LRRC4C: variants seen among roughly 807,000 people sequenced by gnomAD.
The protein encoded by LRRC4C is leucine-rich repeat-containing protein 4C.
In LRRC4C, 5 loss-of-function variants were observed where a neutral mutation model predicts 33.6. The observed-to-expected ratio is 0.15, with a 90% CI of 0.08 to 0.31. The LOEUF (loss-of-function observed/expected upper bound fraction) is 0.31, where lower values mean the gene tolerates loss of function less well. Among genes scored for constraint, LRRC4C ranks in the 10% least tolerant of loss-of-function variants. LRRC4C has a pLI of 1.00. For synonymous variants in LRRC4C, 329 were observed against 302.0 expected (o/e 1.09, Z -0.93); for missense variants, 560 against 796.7 (o/e 0.70, Z 3.58).
At chr11:41,089,091 T>C (rs1340763319) in intron 1 of LRRC4C, among the ~76,000 whole-genome samples, 2 of 152,034 alleles carry the variant, frequency 1.3e-5, no homozygotes, top group Non-Finnish European at 2.9e-5. Flanking sequence ...TAGTAGAATG[T>C]ATTATATCTC....
chr11:41,122,629 A>AAT (rs920741735), intron 1 of LRRC4C, among the ~76,000 whole-genome samples: 1 of 151,972 alleles, frequency 6.6e-6, no homozygotes, highest in African/African-American at 2.4e-5. Flanking sequence ...AATAGATAGA[A>AAT]ATATATATAA....
chr11:41,052,899 AT>A lies in LRRC4C; in HGVS notation c.-495-119177del, dbSNP rs915177574. Among the ~76,000 whole-genome samples the A allele has an allele frequency of 2.4e-4, 37 of 152,038 alleles. No homozygotes were observed. The East Asian group carries it at 2.7e-3, about 11-fold the overall frequency. ...GTTGGCAACCTAATATCAATTGTTC[AT>A]TTTTTTTCTCCCACCATCTTCTCAA... On this transcript the variant is annotated intron_variant, in intron 1 of 6. Coordinates refer to ENST00000528697, the MANE Select transcript of LRRC4C (RefSeq NM_001258419.2).
chr11:40,243,210 A>T (rs533108416), intron 4 of LRRC4C, among the ~76,000 whole-genome samples: 1 of 152,294 alleles, frequency 6.6e-6, no homozygotes, highest in South Asian at 2.1e-4. Flanking sequence ...AAATTGGTTT[A>T]AAAAGGTAAA....
At chr11:41,193,343 C>A (rs1295882308) in intron 1 of LRRC4C, among the ~76,000 whole-genome samples, 1 of 152,054 alleles carries the variant, frequency 6.6e-6, no homozygotes, top group Non-Finnish European at 1.5e-5. Flanking sequence ...TAGATGAGAG[C>A]ATTGTAAAGA....
chr11:41,431,554 C>T (rs932339368), intron 1 of LRRC4C, among the ~76,000 whole-genome samples: 3 of 151,906 alleles, frequency 2.0e-5, no homozygotes, highest in South Asian at 4.2e-4. Context: ...ATACATGTTT[C>T]CATATATGAC....
At chr11:40,577,668 C>T (rs572111798) in intron 3 of LRRC4C, among the ~76,000 whole-genome samples, 2 of 152,168 alleles carry the variant, frequency 1.3e-5, no homozygotes, top group Non-Finnish European at 2.9e-5. Context: ...AAACATCCTA[C>T]AGTGCACACC....
At chr11:40,693,104 G>A (rs923449332) in intron 2 of LRRC4C, among the ~76,000 whole-genome samples, 1 of 151,938 alleles carries the variant, frequency 6.6e-6, no homozygotes, top group Admixed American at 6.6e-5. Context: ...CGTGATTCTG[G>A]TTTTTTACCG....
chr11:40,969,194 A>G (rs1194423620), intron 1 of LRRC4C, among the ~76,000 whole-genome samples: 1 of 152,194 alleles, frequency 6.6e-6, no homozygotes, highest in Non-Finnish European at 1.5e-5. Context: ...AAACAGCAAG[A>G]GAACTAGAAT....
At chr11:41,016,754 G>C (rs1423934083) in intron 1 of LRRC4C, among the ~76,000 whole-genome samples, 1 of 152,158 alleles carries the variant, frequency 6.6e-6, no homozygotes, top group African/African-American at 2.4e-5. Context: ...TGTGTTCCCT[G>C]TACTAGCTCA....
chr11:41,055,716 T>C, intron 1 of LRRC4C, among the ~76,000 whole-genome samples: 1 of 152,134 alleles, frequency 6.6e-6, no homozygotes, highest in Admixed American at 6.5e-5. Context: ...CGTATGCTTT[T>C]GTGGGATAAC....
chr11:41,215,082 A>G (rs973478588), intron 1 of LRRC4C, among the ~76,000 whole-genome samples: 1 of 149,872 alleles, frequency 6.7e-6, no homozygotes, highest in African/African-American at 2.5e-5. Flanking sequence ...ATTTATATGC[A>G]AAAAAATCAC....
intron 3 of LRRC4C, among the ~76,000 whole-genome samples, chr11:40,462,229 A>G (rs1952434394): frequency 6.6e-6 from 1 of 152,102 alleles, no homozygotes; most frequent in South Asian, 2.1e-4. Flanking sequence ...TTCATAACAT[A>G]AGAGTTTATT....
At chr11:40,473,882 A>G (rs1206247634) in intron 3 of LRRC4C, among the ~76,000 whole-genome samples, 1 of 152,202 alleles carries the variant, frequency 6.6e-6, no homozygotes, top group African/African-American at 2.4e-5. Flanking sequence ...ATACCTAGGA[A>G]TATAACTTAG....
At chr11:41,367,893 C>A (rs1319617220) in intron 1 of LRRC4C, among the ~76,000 whole-genome samples, 2 of 152,066 alleles carry the variant, frequency 1.3e-5, no homozygotes, top group African/African-American at 4.8e-5. Flanking sequence ...GGTTATCAGC[C>A]TAGAAAAAAA....
intron 3 of LRRC4C, among the ~76,000 whole-genome samples, chr11:40,343,264 A>G (rs1024189834): frequency 2.0e-5 from 3 of 152,110 alleles, no homozygotes; most frequent in African/African-American, 7.2e-5. Context: ...GAATTAACCT[A>G]AGTCTATCAA....
chr11:40,725,230 G>A (rs947530932), intron 2 of LRRC4C, among the ~76,000 whole-genome samples: 2 of 152,204 alleles, frequency 1.3e-5, no homozygotes, highest in African/African-American at 2.4e-5. Flanking sequence ...CTGGAGGCCG[G>A]GTGCAGTGGC....
intron 1 of LRRC4C, among the ~76,000 whole-genome samples, chr11:41,310,582 C>A (rs1391694948): frequency 6.6e-6 from 1 of 152,124 alleles, no homozygotes; most frequent in East Asian, 1.9e-4. Flanking sequence ...TAAATTACTC[C>A]ATTCAACTGC....
At chr11:40,566,086 GTTTTTTTT>G in intron 3 of LRRC4C, among the ~76,000 whole-genome samples, 1 of 62,796 alleles carries the variant, frequency 1.6e-5, no homozygotes, top group African/African-American at 6.4e-5. Flanking sequence ...TTTTTACTAA[GTTTTTTTT>G]TTTTTTTTTT....
intron 1 of LRRC4C, among the ~76,000 whole-genome samples, chr11:40,951,654 C>G (rs1298619432): frequency 6.6e-6 from 1 of 151,790 alleles, no homozygotes; most frequent in Non-Finnish European, 1.5e-5. Context: ...GCATATGCAC[C>G]AAGTCTTATC....
Sources: gnomAD v4.1 joint callset for allele counts (sites outside exome capture counted in the v4.1 genomes callset) on GRCh38, gnomAD v4.1.1 for gene constraint, MANE v1.5 for transcripts, NCBI Gene and HGNC (gene_info 2026-07-23, HGNC 2026-07-21) for gene names.